Variants in NAV2 observed in about 807,000 individuals in gnomAD.
NAV2 encodes the protein neuron navigator 2, also known as helicase, APC down-regulated 1.
Under a neutral mutation model 223.2 loss-of-function variants are expected in NAV2, and 54 were observed. That is an observed-to-expected ratio of 0.24 (90% CI 0.19 to 0.30). The LOEUF is 0.30. Among genes scored for constraint, NAV2 ranks in the 10% least tolerant of loss-of-function variants. The pLI, the probability that NAV2 is intolerant of heterozygous loss-of-function variation, is 1.00. For missense variants in NAV2, 2,806 were observed against 3,147.5 expected (o/e 0.89, Z 2.60); for synonymous variants, 1,279 against 1,239.3 (o/e 1.03, Z -0.67).
chr11:19,533,952 C>T (rs956836272), intron 1 of NAV2, among the ~76,000 whole-genome samples: 5 of 132,360 alleles, frequency 3.8e-5, no homozygotes, highest in South Asian at 2.1e-4. Flanking sequence ...GTGATCCGCC[C>T]GCCTCGGCCT....
chr11:19,991,861 TCTGA>T (rs1324032087), intron 11 of NAV2, among the ~76,000 whole-genome samples: 3 of 152,214 alleles, frequency 2.0e-5, no homozygotes, highest in Non-Finnish European at 4.4e-5. Flanking sequence ...TGACCCTCTC[TCTGA>T]CTCTCTGTTA....
chr11:19,685,138 G>A (rs929797020), intron 1 of NAV2, among the ~76,000 whole-genome samples: 5 of 152,124 alleles, frequency 3.3e-5, no homozygotes, highest in South Asian at 2.1e-4. Flanking sequence ...AGCCTCCAGC[G>A]AATCCCAGAC....
intron 1 of NAV2, among the ~76,000 whole-genome samples, chr11:19,828,549 A>T (rs569956463): frequency 2.0e-5 from 3 of 151,712 alleles, no homozygotes; most frequent in African/African-American, 7.3e-5. Context: ...GAGTGCAATG[A>T]TGCATGACGG....
chr11:19,948,632 T>C, intron 9 of NAV2, 59 bp from the exon 10 acceptor site: 1 of 1,478,958 alleles, frequency 6.8e-7, no homozygotes, highest in Non-Finnish European at 9.0e-7. Flanking sequence ...TTAAAGAACA[T>C]ATAAACTGTG....
chr11:19,513,968 C>T (rs1350202237), intron 1 of NAV2, among the ~76,000 whole-genome samples: 1 of 152,216 alleles, frequency 6.6e-6, no homozygotes, highest in Non-Finnish European at 1.5e-5. Context: ...GCGCTGCTCA[C>T]ACCTTGATTC....
intron 3 of NAV2, 105 bp downstream of exon 3, chr11:19,843,028 G>T: frequency 1.1e-6 from 1 of 888,716 alleles, no homozygotes; most frequent in Non-Finnish European, 1.8e-6. Context: ...TTTACTCCAG[G>T]GGATTATATT....
At chr11:19,981,937 A>C (rs1233544160) in intron 10 of NAV2, among the ~76,000 whole-genome samples, 1 of 152,026 alleles carries the variant, frequency 6.6e-6, no homozygotes, top group Non-Finnish European at 1.5e-5. Context: ...GTGTTCTTGC[A>C]AAAAAAATTT....
At chr11:19,503,807 T>A (rs1312481320) in intron 1 of NAV2, 1 of 152,178 alleles carries the variant, frequency 6.6e-6, no homozygotes, top group Non-Finnish European at 1.5e-5. Flanking sequence ...TTGAGGTGAA[T>A]GTCAAGGAAT....
intron 24 of NAV2, among the ~76,000 whole-genome samples, chr11:20,078,682 T>C (rs2059908879): frequency 6.6e-6 from 1 of 152,182 alleles, no homozygotes; most frequent in African/African-American, 2.4e-5. Flanking sequence ...GGTCTTGAAC[T>C]CCTGTCCTCA....
At chr11:19,453,210 A>G (rs1851849282) in intron 1 of NAV2, among the ~76,000 whole-genome samples, 1 of 152,184 alleles carries the variant, frequency 6.6e-6, no homozygotes, top group Non-Finnish European at 1.5e-5. Context: ...TGTGCCCTGT[A>G]GATCCCCAGT....
At chr11:19,914,447 G>A (rs902980095) in intron 6 of NAV2, among the ~76,000 whole-genome samples, 5 of 152,148 alleles carry the variant, frequency 3.3e-5, no homozygotes, top group African/African-American at 1.2e-4. Context: ...ACAGGCTTTG[G>A]GCATTGTGGA....
intron 1 of NAV2, among the ~76,000 whole-genome samples, chr11:19,625,031 T>G (rs929959584): frequency 6.6e-6 from 1 of 152,248 alleles, no homozygotes; most frequent in African/African-American, 2.4e-5. Context: ...ATTAGCATAT[T>G]CATCATCTCA....
chr11:19,676,066 C>T (rs1006868211), intron 1 of NAV2, among the ~76,000 whole-genome samples: 1 of 152,176 alleles, frequency 6.6e-6, no homozygotes, highest in African/African-American at 2.4e-5. Context: ...CCCTTCTACC[C>T]ACCCTGAGAG....
chr11:19,560,342 G>T (rs2045052265), intron 1 of NAV2, among the ~76,000 whole-genome samples: 5 of 152,210 alleles, frequency 3.3e-5, no homozygotes, highest in Admixed American at 3.3e-4. Flanking sequence ...TCTCACTGGG[G>T]TGCGGGGCAC....
intron 1 of NAV2, chr11:19,511,226 G>A (rs1021718973): frequency 6.6e-6 from 1 of 152,232 alleles, no homozygotes; most frequent in African/African-American, 2.4e-5. Flanking sequence ...GGATGGGAGA[G>A]CAGGCAAAGG....
intron 1 of NAV2, among the ~76,000 whole-genome samples, chr11:19,716,329 C>T (rs986567385): frequency 1.3e-5 from 2 of 152,044 alleles, no homozygotes; most frequent in Non-Finnish European, 2.9e-5. Flanking sequence ...TAGGTGACCA[C>T]CTTGATTAAT....
intron 1 of NAV2, among the ~76,000 whole-genome samples, chr11:19,700,908 C>G (rs1045492701): frequency 1.3e-5 from 2 of 152,210 alleles, no homozygotes; most frequent in African/African-American, 4.8e-5. Context: ...TTGGTAGCAA[C>G]ATAAAACGCT....
rs1048436782 is a variant in NAV2 at position 20,120,269 on chromosome 11, C to T, written c.*2011C>T. 1 of 152,308 alleles carries T rather than the reference C, an allele frequency of 6.6e-6. No individual in the cohort carries two copies. Among genetic ancestry groups the T allele is most frequent in the Middle Eastern group, 3.4e-3 (1 of 294 alleles). 9.4% of individuals were successfully genotyped at this position (152,308 alleles called of 1,614,324 possible). On this transcript the variant is annotated 3_prime_UTR_variant, in exon 38 of 38. Coordinates refer to ENST00000349880, the MANE Select transcript of NAV2 (RefSeq NM_145117.5). The stretch of plus-strand genomic sequence containing the variant: ...ATGTGTCCCACTAGTGAAAGGAAAA[C>T]TTTTCAACACTATCCCTGCTTTAGT...
chr11:19,745,710 C>T (rs924778839), intron 1 of NAV2, among the ~76,000 whole-genome samples: 2 of 152,194 alleles, frequency 1.3e-5, no homozygotes, highest in Admixed American at 6.5e-5. Flanking sequence ...ATTAGATTCT[C>T]ATAAGGAGTG....
Sources: gnomAD v4.1 joint callset for allele counts (sites outside exome capture counted in the v4.1 genomes callset) on GRCh38, gnomAD v4.1.1 for gene constraint, MANE v1.5 for transcripts, NCBI Gene and HGNC (gene_info 2026-07-23, HGNC 2026-07-21) for gene names.